Variants in ADGRL3 observed in about 807,000 individuals in gnomAD.
The protein encoded by ADGRL3 is adhesion G protein-coupled receptor L3.
ADGRL3 carries 62 observed loss-of-function variants against 153.5 expected under a neutral mutation model. The observed-to-expected ratio is 0.40, with a 90% CI of 0.33 to 0.50. The LOEUF (loss-of-function observed/expected upper bound fraction) is 0.50. Among genes scored for constraint, ADGRL3 ranks in the 20% least tolerant of loss-of-function variants. The pLI is 0.47. For missense variants in ADGRL3, 1,641 were observed against 1,859.4 expected, an observed-to-expected ratio of 0.88 and a Z score of 2.16; for synonymous variants, 710 against 672.5, an observed-to-expected ratio of 1.06 and a Z score of -0.86.
chr4:61,614,941 A>G (rs909477034), intron 5 of ADGRL3, among the ~76,000 whole-genome samples: 1 of 152,182 alleles, frequency 6.6e-6, no homozygotes, highest in Non-Finnish European at 1.5e-5. Flanking sequence ...GTGCCTGGAC[A>G]TAAGCAACAT....
intron 1 of ADGRL3, among the ~76,000 whole-genome samples, chr4:61,216,333 T>C (rs1452786188): frequency 1.3e-5 from 2 of 152,134 alleles, no homozygotes; most frequent in Non-Finnish European, 2.9e-5. Context: ...TCCTAATAAA[T>C]GATTTTAGGA....
At chr4:61,972,727 G>C (rs552789026) in intron 17 of ADGRL3, among the ~76,000 whole-genome samples, 2 of 152,132 alleles carry the variant, frequency 1.3e-5, no homozygotes, top group African/African-American at 4.8e-5. Context: ...GGATGGCATT[G>C]AATCTATAAA....
chr4:61,853,125 C>CCACT (rs1308117376), intron 9 of ADGRL3, among the ~76,000 whole-genome samples: 2 of 152,024 alleles, frequency 1.3e-5, no homozygotes, highest in African/African-American at 4.8e-5. Context: ...AGGTGTGGAG[C>CCACT]CACTGCCCCT....
rs1747041831 is a variant in ADGRL3 at position 62,076,108 on chromosome 4, G to T, written c.*5200G>T. 1 of 151,986 alleles carries T rather than the reference G, an allele frequency of 6.6e-6. No homozygotes were observed. The highest frequency in any genetic ancestry group is 1.5e-5 in the Non-Finnish European group (1 of 67,976). 9.4% of individuals were successfully genotyped at this position (151,986 alleles called of 1,614,324 possible). A position where few individuals can be genotyped will look rare whatever the true frequency, so the allele number is the denominator to read the frequency against. The stretch of plus-strand genomic sequence containing the variant: ...CTTTGTGATTTCTGCAATAAAACAG[G>T]TAGTTAATATAGTTTCGCATAATCT... On this transcript the variant is annotated 3_prime_UTR_variant, in exon 27 of 27. Transcript: ENST00000683033.
At chr4:61,950,168 C>G (rs2098941541) in intron 17 of ADGRL3, among the ~76,000 whole-genome samples, 2 of 151,932 alleles carry the variant, frequency 1.3e-5, no homozygotes, top group South Asian at 4.1e-4. Flanking sequence ...CCATACTGTT[C>G]AGTTCAGCAC....
intron 7 of ADGRL3, among the ~76,000 whole-genome samples, chr4:61,730,862 C>T (rs908134944): frequency 6.6e-6 from 1 of 151,626 alleles, no homozygotes; most frequent in East Asian, 1.9e-4. Flanking sequence ...GTATTTTATT[C>T]CCCTTTATTT....
At chr4:61,329,045 G>A (rs746786479) in intron 1 of ADGRL3, among the ~76,000 whole-genome samples, 14 of 152,110 alleles carry the variant, frequency 9.2e-5, no homozygotes, top group Non-Finnish European at 5.9e-5. Flanking sequence ...TGTGCCATAA[G>A]GAATTAGTTG....
At chr4:62,062,169 G>T (rs1195635199) in intron 25 of ADGRL3, among the ~76,000 whole-genome samples, 1 of 151,810 alleles carries the variant, frequency 6.6e-6, no homozygotes, top group East Asian at 1.9e-4. Context: ...ATGTCTCATT[G>T]GGGTTTTAAC....
chr4:62,074,685 T>C lies in ADGRL3; in HGVS notation c.*3777T>C, dbSNP rs564890715. On this transcript the variant is annotated 3_prime_UTR_variant, in exon 27 of 27. Transcript: ENST00000683033. ...TCTAACAAAAAGCACGTAAGGGAAATATCCTTAACTTCCTGTAAAAAAAAT... is the reference window on the plus strand; with the variant it reads ...TCTAACAAAAAGCACGTAAGGGAAACATCCTTAACTTCCTGTAAAAAAAAT... 5.3e-5 allele frequency: 8 copies of C among 152,206 alleles called. No individual in the cohort carries two copies. In the South Asian group the frequency reaches 1.7e-3, roughly 32 times the overall value. The allele number at this position is 152,206 out of a possible 1,614,324, so 9.4% of individuals were successfully genotyped here.
chr4:61,285,614 T>G (rs915625498), intron 1 of ADGRL3, among the ~76,000 whole-genome samples: 1 of 151,896 alleles, frequency 6.6e-6, no homozygotes, highest in Non-Finnish European at 1.5e-5. Flanking sequence ...AAGGAAAGCA[T>G]GTGTATTCTA....
chr4:61,956,096 C>G (rs560888058), intron 17 of ADGRL3, among the ~76,000 whole-genome samples: 1 of 152,132 alleles, frequency 6.6e-6, no homozygotes, highest in Admixed American at 6.5e-5. Flanking sequence ...GTTCTAGATC[C>G]TTGAGGAATT....
At chr4:61,244,902 A>C (rs932943477) in intron 1 of ADGRL3, among the ~76,000 whole-genome samples, 3 of 151,886 alleles carry the variant, frequency 2.0e-5, no homozygotes, top group Non-Finnish European at 4.4e-5. Flanking sequence ...ATTGTATGCT[A>C]TATTGCTGGT....
intron 1 of ADGRL3, among the ~76,000 whole-genome samples, chr4:61,226,859 A>C (rs555107832): frequency 6.6e-6 from 1 of 152,324 alleles, no homozygotes; most frequent in African/African-American, 2.4e-5. Flanking sequence ...TCCCCAGAGT[A>C]AATAAAGCTA....
At chr4:61,389,438 A>G (rs1041881338) in intron 2 of ADGRL3, among the ~76,000 whole-genome samples, 1 of 152,194 alleles carries the variant, frequency 6.6e-6, no homozygotes, top group Non-Finnish European at 1.5e-5. Context: ...TTATACAGTA[A>G]CGATGTAATG....
chr4:61,480,700 T>G (rs1421203024), intron 2 of ADGRL3, among the ~76,000 whole-genome samples: 1 of 152,032 alleles, frequency 6.6e-6, no homozygotes, highest in East Asian at 1.9e-4. Context: ...GGAGAATCTC[T>G]TGAACCCAGG....
intron 5 of ADGRL3, among the ~76,000 whole-genome samples, chr4:61,598,051 T>C (rs2098996483): frequency 6.6e-6 from 1 of 152,144 alleles, no homozygotes; most frequent in Non-Finnish European, 1.5e-5. Flanking sequence ...TAGATCATCC[T>C]TGCCTGAGGA....
chr4:61,353,008 G>T (rs981238982), intron 1 of ADGRL3, among the ~76,000 whole-genome samples: 2 of 152,074 alleles, frequency 1.3e-5, no homozygotes, highest in Non-Finnish European at 1.5e-5. Context: ...TATCTATTTG[G>T]CCCGAGGTTC....
chr4:61,435,512 A>G (rs768554584), intron 2 of ADGRL3, among the ~76,000 whole-genome samples: 12 of 152,128 alleles, frequency 7.9e-5, no homozygotes, highest in Non-Finnish European at 1.5e-4. Context: ...TACCGGTGTG[A>G]AAATGGAAAG....
rs762029471 is a variant in ADGRL3, at chr4:61,676,854, G to A, written c.502G>A (p.Val168Met). ...CAATAACAGAACCCAGTGTGCAGTGGTGGCAGGTCCTGATGTTTTTCCAGA... is the reference window on the plus strand; with the variant it reads ...CAATAACAGAACCCAGTGTGCAGTGATGGCAGGTCCTGATGTTTTTCCAGA... ...RCNNRTQCAV[V>M]AGPDVFPDPC... Residue 168 changes from valine to methionine, a missense_variant, in exon 6 of 27, where the codon GTG becomes ATG. Around this residue, in one of 5 missense-constraint regions of ADGRL3, gnomAD observed 213 missense variants for 362.1 expected, o/e 0.59. Transcript: ENST00000683033. 2.5e-6 allele frequency: 4 copies of A among 1,611,986 alleles called. No individual in the cohort carries two copies. Among genetic ancestry groups the A allele is most frequent in the Middle Eastern group, 1.7e-4 (1 of 6,052 alleles).
Sources: allele counts gnomAD v4.1 joint callset (sites outside exome capture counted in the v4.1 genomes callset), GRCh38; gene constraint gnomAD v4.1.1; regional missense constraint gnomAD v4.1.1; transcripts MANE v1.5; gene names NCBI Gene and HGNC (gene_info 2026-07-23, HGNC 2026-07-21).